S100PBP: variants seen among roughly 807,000 people sequenced by gnomAD.
The protein encoded by S100PBP is S100P-binding protein.
S100PBP carries 15 observed loss-of-function variants against 39.9 expected under a neutral mutation model. The observed-to-expected ratio is 0.38, with a 90% CI of 0.25 to 0.58. The LOEUF is 0.58. Ranked by LOEUF, S100PBP falls within the 20% of genes least tolerant of loss-of-function variation. The probability of loss-of-function intolerance (pLI) is 0.70; values close to 1 mark genes in which losing one functional copy is unlikely to be tolerated. For synonymous variants in S100PBP, 178 were observed against 180.3 expected, an observed-to-expected ratio of 0.99 and a Z score of 0.10; for missense variants, 504 against 487.3, an observed-to-expected ratio of 1.03 and a Z score of -0.32.
rs77577468 is a variant in S100PBP, at chr1:32,829,609, C to T, written c.921-355C>T. ...TCCTGAGTAGCTAGGACTACAGGCA[C>T]ATGCAGCCATGTCCAGCTAATTTTT... On this transcript the variant is annotated intron_variant, in intron 4 of 6. Coordinates refer to ENST00000373475, the MANE Select transcript of S100PBP (RefSeq NM_022753.4). Among the ~76,000 whole-genome samples the T allele has an allele frequency of 3.8e-3, 575 of 152,202 alleles. 1 individual carries two copies. Among genetic ancestry groups the T allele is most frequent in the Non-Finnish European group, 5.5e-3 (373 of 68,006 alleles).
At chr1:32,829,208 TC>T (rs1354284297) in intron 4 of S100PBP, among the ~76,000 whole-genome samples, 1 of 82,616 alleles carries the variant, frequency 1.2e-5, no homozygotes, top group Non-Finnish European at 3.0e-5. Flanking sequence ...ATCCACTGAT[TC>T]TTTAGTACAG....
At chr1:32,841,519 C>T (rs1640093699) in intron 5 of S100PBP, among the ~76,000 whole-genome samples, 1 of 151,904 alleles carries the variant, frequency 6.6e-6, no homozygotes, top group South Asian at 2.1e-4. Context: ...CACCTGAGGT[C>T]GGGAGTTTGA....
intron 4 of S100PBP, among the ~76,000 whole-genome samples, chr1:32,829,547 T>C (rs1639496445): frequency 6.6e-6 from 1 of 152,168 alleles, no homozygotes; most frequent in Non-Finnish European, 1.5e-5. Context: ...ACAGCAGCCT[T>C]GAACTCGTGG....
intron 5 of S100PBP, among the ~76,000 whole-genome samples, chr1:32,834,288 C>A (rs1357641518): frequency 5.3e-5 from 8 of 151,710 alleles, no homozygotes; most frequent in Non-Finnish European, 1.0e-4. Context: ...CTTAGTTGTC[C>A]CAAAAATATA....
In S100PBP at chr1:32,828,017, G is replaced by C; in HGVS notation, c.856G>C (p.Gly286Arg). 6.2e-7 allele frequency: 1 copy of C among 1,611,050 alleles called. No homozygotes were observed. The highest frequency in any genetic ancestry group is 8.5e-7 in the Non-Finnish European group (1 of 1,177,850). Residue 286 changes from glycine to arginine, a missense_variant, in exon 4 of 7, where the codon GGG becomes CGG. Gly to Arg is a moderately radical substitution (Grantham distance 125). Coordinates refer to ENST00000373475, the MANE Select transcript of S100PBP (RefSeq NM_022753.4). Reference sequence around the variant, plus strand: ...GCAGGATGTTCTTAACAAGGATTCTGGGAAGATGAAAGGCCATGAGAGAAG... The same window carrying C: ...GCAGGATGTTCTTAACAAGGATTCTCGGAAGATGAAAGGCCATGAGAGAAG... ...NKQDVLNKDS[G>R]KMKGHERRLG...
In S100PBP at chr1:32,826,732, G is replaced by A. The variant is rs1324720450; in HGVS notation, c.633G>A (p.Gln211=). The change falls in exon 3 of 7, where the codon CAG becomes CAA. Residue 211 remains glutamine (Q), a synonymous_variant. Transcript: ENST00000373475. ...SPNNSAWNGP[Q]LSSSNNNFQQ... ...ATAACTCTGCCTGGAATGGGCCCCAGCTCTCTTCTTCAAACAATAACTTTC... is the reference window on the plus strand; with the variant it reads ...ATAACTCTGCCTGGAATGGGCCCCAACTCTCTTCTTCAAACAATAACTTTC... 3 of 1,614,120 alleles carry A rather than the reference G, an allele frequency of 1.9e-6. No individual in the cohort carries two copies. Among genetic ancestry groups the A allele is most frequent in the South Asian group, 1.1e-5 (1 of 91,072 alleles).
intron 5 of S100PBP, among the ~76,000 whole-genome samples, chr1:32,849,249 A>G (rs1270651815): frequency 6.6e-6 from 1 of 151,132 alleles, no homozygotes; most frequent in Non-Finnish European, 1.5e-5. Flanking sequence ...GGCTCAGGTG[A>G]TCCTCCCACC....
intron 6 of S100PBP, among the ~76,000 whole-genome samples, chr1:32,855,439 TA>T (rs1340129037): frequency 6.6e-6 from 1 of 152,198 alleles, no homozygotes; most frequent in Non-Finnish European, 1.5e-5. Context: ...TTTCAGTCTC[TA>T]AACTCACATG....
rs1250743379 is a variant in S100PBP, at chr1:32,853,147, C to G, written c.1093C>G (p.Pro365Ala). Residue 365 changes from proline (P) to alanine (A), a missense_variant, in exon 6 of 7, where the codon CCT (proline) becomes GCT (alanine). Physicochemically the swap from Pro to Ala is conservative, Grantham distance 27. Coordinates refer to ENST00000373475, the MANE Select transcript of S100PBP (RefSeq NM_022753.4). ...HHMQHSKWQH[P>A]SDLTTRNYAR... ...TATGCAGCACTCAAAATGGCAGCAT[C>G]CTTCGGACCTCACCACGCGGTGAGT... 9 of 1,611,680 alleles carry G rather than the reference C, an allele frequency of 5.6e-6. No homozygotes were observed. The highest frequency in any genetic ancestry group is 1.3e-5 in the African/African-American group (1 of 74,780).
At chr1:32,837,581 A>T (rs1263800562) in intron 5 of S100PBP, among the ~76,000 whole-genome samples, 1 of 151,038 alleles carries the variant, frequency 6.6e-6, no homozygotes, top group African/African-American at 2.4e-5. Flanking sequence ...AAAAAAAAAA[A>T]AAGATAATAA....
intron 1 of S100PBP, among the ~76,000 whole-genome samples, chr1:32,823,503 G>C (rs1018509468): frequency 6.6e-6 from 1 of 152,150 alleles, no homozygotes; most frequent in African/African-American, 2.4e-5. Context: ...TGATTTCTTT[G>C]ATAAGATTAA....
At chr1:32,817,633 C>T (rs1295423882), upstream of S100PBP, 3 of 291,180 alleles carry the variant, frequency 1.0e-5, no homozygotes, top group African/African-American at 4.3e-5. Flanking sequence ...GATAAAATGG[C>T]GCAGGGGGCG....
Position 32,846,496 on chromosome 1 carries a change from C to T in S100PBP, c.1025-6583C>T, listed in dbSNP as rs187070476. 1.1e-4 allele frequency among the ~76,000 whole-genome samples: 17 copies of T among 151,982 alleles called. No homozygotes were observed. In the East Asian group the frequency reaches 3.1e-3, roughly 28 times the overall value. On this transcript the variant is annotated intron_variant, in intron 5 of 6. Coordinates refer to ENST00000373475, the MANE Select transcript of S100PBP (RefSeq NM_022753.4). ...GTTTTCTATTTGTTTTTTGTTTCCA[C>T]TTCCATCTTTCCCTGACTCATTTAA...
chr1:32,840,743 G>A (rs569801305), intron 5 of S100PBP, among the ~76,000 whole-genome samples: 10 of 152,296 alleles, frequency 6.6e-5, no homozygotes, highest in African/African-American at 2.2e-4. Flanking sequence ...TATGTGTAGT[G>A]ATATCTCATT....
chr1:32,818,215 C>G (rs1346648376), intron 1 of S100PBP: 1 of 152,376 alleles, frequency 6.6e-6, no homozygotes, highest in African/African-American at 2.4e-5. Context: ...TCTCGCTTCT[C>G]CCGCTTTCCG....
chr1:32,839,005 G>A (rs1401849322), intron 5 of S100PBP, among the ~76,000 whole-genome samples: 1 of 152,020 alleles, frequency 6.6e-6, no homozygotes, highest in Non-Finnish European at 1.5e-5. Flanking sequence ...GTATTTCCCA[G>A]GTTAGGCTCA....
chr1:32,855,873 G>T, intron 6 of S100PBP, 51 bp from the exon 7 acceptor site: 1 of 1,200,850 alleles, frequency 8.3e-7, no homozygotes, highest in South Asian at 1.3e-5. Context: ...TGTACAAATA[G>T]CCATTCTAGT....
intron 5 of S100PBP, among the ~76,000 whole-genome samples, chr1:32,843,358 G>T (rs982791235): frequency 1.3e-5 from 2 of 151,730 alleles, no homozygotes; most frequent in Middle Eastern, 3.4e-3. Context: ...CAAGAATCTC[G>T]CTCTGTTGCC....
Position 32,829,968 on chromosome 1 carries a change from A to G in S100PBP, c.925A>G (p.Asn309Asp). 3 of 1,612,224 alleles carry G rather than the reference A, an allele frequency of 1.9e-6. No homozygotes were observed. The highest frequency in any genetic ancestry group is 2.5e-6 in the Non-Finnish European group (3 of 1,178,422). ...TTCTGGTTTGCTTTATTCAAGGACT[A>G]ATGTTCCGACGTTTTCACAGTCAAA... ...IPVLQTKTRTNVPTFSQSNLE... is the reference protein window; with the variant it reads ...IPVLQTKTRTDVPTFSQSNLE... Residue 309 changes from asparagine (N) to aspartate (D), a missense_variant, in exon 5 of 7, where the codon AAT (asparagine) becomes GAT (aspartate). Transcript: ENST00000373475.
Sources: gnomAD v4.1 joint callset for allele counts (sites outside exome capture counted in the v4.1 genomes callset) on GRCh38, gnomAD v4.1.1 for gene constraint, MANE v1.5 for transcripts, NCBI Gene and HGNC (gene_info 2026-07-23, HGNC 2026-07-21) for gene names.